RAPGEF2: variants seen among roughly 807,000 people sequenced by gnomAD.
The protein encoded by RAPGEF2 is PDZ domain containing guanine nucleotide exchange factor (GEF) 1.
A neutral mutation model predicts 186.7 loss-of-function variants in RAPGEF2; 54 were observed. The ratio of observed to expected loss-of-function variants is 0.29; its 90% CI spans 0.23 to 0.36. RAPGEF2 has a LOEUF of 0.36. Among genes scored for constraint, RAPGEF2 ranks in the 10% least tolerant of loss-of-function variants. RAPGEF2 has a pLI of 1.00. For missense variants in RAPGEF2, 1,532 were observed against 2,045.0 expected (o/e 0.75, Z 4.84); for synonymous variants, 712 against 705.9 (o/e 1.01, Z -0.14).
chr4:159,271,469 T>C (rs940748675), intron 7 of RAPGEF2, among the ~76,000 whole-genome samples: 1 of 152,224 alleles, frequency 6.6e-6, no homozygotes, highest in African/African-American at 2.4e-5. Context: ...ATGTATTGCA[T>C]AGCAGACACT....
intron 4 of RAPGEF2, among the ~76,000 whole-genome samples, 199 bp downstream of exon 4, chr4:159,210,782 A>G (rs1750443130): frequency 6.6e-6 from 1 of 152,244 alleles, no homozygotes; most frequent in Admixed American, 6.5e-5. Context: ...AACAAAGGGC[A>G]AGAACAGAAA....
intron 1 of RAPGEF2, among the ~76,000 whole-genome samples, chr4:159,183,896 C>T (rs1747280328): frequency 6.6e-6 from 1 of 152,154 alleles, no homozygotes; most frequent in African/African-American, 2.4e-5. Flanking sequence ...CCCCCCTCCT[C>T]TCACCCCATG....
intron 1 of RAPGEF2, among the ~76,000 whole-genome samples, chr4:159,157,043 C>A (rs1214322283): frequency 1.3e-5 from 2 of 152,158 alleles, no homozygotes; most frequent in African/African-American, 4.8e-5. Context: ...ATTTAGGAAC[C>A]ATTTTCTCCC....
intron 7 of RAPGEF2, among the ~76,000 whole-genome samples, chr4:159,297,513 AT>A (rs1245322048): frequency 6.6e-6 from 1 of 152,236 alleles, no homozygotes; most frequent in African/African-American, 2.4e-5. Context: ...AAAGAGAGTA[AT>A]TGAACTATAA....
At chr4:159,257,482 C>A (rs1756321125) in intron 7 of RAPGEF2, among the ~76,000 whole-genome samples, 1 of 152,194 alleles carries the variant, frequency 6.6e-6, no homozygotes, top group African/African-American at 2.4e-5. Flanking sequence ...ATTTAATCGT[C>A]TCCTACCAAG....
At chr4:159,270,185 C>T (rs1283769290) in intron 7 of RAPGEF2, among the ~76,000 whole-genome samples, 2 of 152,174 alleles carry the variant, frequency 1.3e-5, no homozygotes, top group Non-Finnish European at 1.5e-5. Context: ...TGGCAGCTTA[C>T]AACATCAAGG....
At position 159,166,504 on chromosome 4, in the gene RAPGEF2, G is replaced by A. The variant is rs537914226; in HGVS notation, c.70-20138G>A. ...TTTTTACCTCTGCTGTGGGATTTTAGTCTCATTACTTTGTTGATCTACTTT... is the reference window on the plus strand; with the variant it reads ...TTTTTACCTCTGCTGTGGGATTTTAATCTCATTACTTTGTTGATCTACTTT... On this transcript the variant is annotated intron_variant, in intron 1 of 29. Coordinates refer to ENST00000691494, the MANE Select transcript of RAPGEF2 (RefSeq NM_001394067.2). 7.9e-5 allele frequency among the ~76,000 whole-genome samples: 12 copies of A among 152,262 alleles called. No individual in the cohort carries two copies. In the East Asian group the frequency reaches 1.9e-3, roughly 24 times the overall value.
chr4:159,103,999 C>T lies in RAPGEF2; in HGVS notation c.-164C>T. On this transcript the variant is annotated 5_prime_UTR_variant, in exon 1 of 30. Coordinates refer to ENST00000691494, the MANE Select transcript of RAPGEF2 (RefSeq NM_001394067.2). ...CGCGCTCTCGGCCGCCGGGCCCAGC[C>T]GAGCCGCCCCCCCGCGGGCCCCGCG... The T allele has an allele frequency of 5.9e-6, 1 of 168,336 alleles. No individual in the cohort carries two copies. Among genetic ancestry groups the T allele is most frequent in the Non-Finnish European group, 1.2e-5 (1 of 83,424 alleles). The allele number at this position is 168,336 out of a possible 1,614,324, so 10.4% of individuals were successfully genotyped here. A position where few individuals can be genotyped will look rare whatever the true frequency, so the allele number is the denominator to read the frequency against.
intron 4 of RAPGEF2, among the ~76,000 whole-genome samples, chr4:159,231,364 TACTC>T (rs1412025758): frequency 1.3e-5 from 2 of 152,234 alleles, no homozygotes; most frequent in African/African-American, 4.8e-5. Context: ...TATATATTAT[TACTC>T]ACACATATTA....
chr4:159,129,429 C>T (rs956577785), intron 1 of RAPGEF2, among the ~76,000 whole-genome samples: 13 of 152,108 alleles, frequency 8.5e-5, no homozygotes, highest in African/African-American at 3.1e-4. Context: ...CAGAACAGTT[C>T]AGGAAAGACA....
At chr4:159,113,204 GAAC>G (rs1738682258) in intron 1 of RAPGEF2, among the ~76,000 whole-genome samples, 1 of 152,074 alleles carries the variant, frequency 6.6e-6, no homozygotes, top group African/African-American at 2.4e-5. Context: ...TCCTGGACAA[GAAC>G]AACAACAAAA....
intron 1 of RAPGEF2, among the ~76,000 whole-genome samples, chr4:159,104,553 A>AGAGTGTGT (rs1553991869): frequency 7.4e-5 from 10 of 136,022 alleles, no homozygotes; most frequent in Non-Finnish European, 1.1e-4. Context: ...AGAGAGAGAG[A>AGAGTGTGT]GTGTGTGTGT....
rs911988560 is a variant in RAPGEF2, at chr4:159,160,823, C to T, written c.70-25819C>T. Among the ~76,000 whole-genome samples the T allele has an allele frequency of 3.9e-5, 6 of 151,948 alleles. No individual in the cohort carries two copies. In the East Asian group the frequency reaches 5.8e-4, roughly 15 times the overall value. On this transcript the variant is annotated intron_variant, in intron 1 of 29. Coordinates refer to ENST00000691494, the MANE Select transcript of RAPGEF2 (RefSeq NM_001394067.2). ...CTTCCACAATGAAATTTTTTGAGTA[C>T]GATGTAGGAAATCATCTTAAAGTGG...
In RAPGEF2 at chr4:159,216,441, T is replaced by C. The variant is rs1175029346; in HGVS notation, c.281+5858T>C. ...TCTGAGTTGGGTTTATAGTTTAGAT[T>C]GTTGGAAAGTGGTCAGAAAGAAAAT... On this transcript the variant is annotated intron_variant, in intron 4 of 29. Transcript: ENST00000691494. 2.0e-5 allele frequency among the ~76,000 whole-genome samples: 3 copies of C among 152,196 alleles called. No individual in the cohort carries two copies. The East Asian group carries it at 5.8e-4, about 29-fold the overall frequency.
intron 11 of RAPGEF2, chr4:159,327,703 TA>T (rs1242070694): frequency 1.3e-5 from 2 of 152,100 alleles, no homozygotes; most frequent in Non-Finnish European, 2.9e-5. Context: ...TCATATTAGT[TA>T]AAATTAAATG....
intron 7 of RAPGEF2, among the ~76,000 whole-genome samples, chr4:159,254,556 T>C (rs1257042670): frequency 1.3e-5 from 2 of 151,942 alleles, no homozygotes; most frequent in East Asian, 3.9e-4. Context: ...CGTATGCTAT[T>C]GTGGATGCTG....
At position 159,182,386 on chromosome 4, in the gene RAPGEF2, C is replaced by CTT. The variant is rs575743979; in HGVS notation, c.70-4230_70-4229dup. ...AAGCTTCCTAGTATTTTCTTTTCTT[C>CTT]TTTTTTTTTTTTTTTTTTTTTTTTT... is the stretch of plus-strand genomic sequence containing the variant. On this transcript the variant is annotated intron_variant, in intron 1 of 29. Transcript: ENST00000691494. Among the ~76,000 whole-genome samples, 127 of 85,670 alleles carry CTT rather than the reference C, an allele frequency of 1.5e-3. 4 individuals are homozygous for CTT. The East Asian group carries it at 0.016, about 11-fold the overall frequency. The allele number at this position is 85,670 out of a possible 152,430, so 56.2% of individuals were successfully genotyped here.
chr4:159,154,911 T>C (rs902198521), intron 1 of RAPGEF2, among the ~76,000 whole-genome samples: 2 of 152,204 alleles, frequency 1.3e-5, no homozygotes, highest in Admixed American at 6.5e-5. Context: ...ACCATAGATA[T>C]GATTGTTTGC....
chr4:159,307,729 TG>T (rs1763470832), intron 8 of RAPGEF2, among the ~76,000 whole-genome samples: 1 of 152,176 alleles, frequency 6.6e-6, no homozygotes, highest in African/African-American at 2.4e-5. Context: ...CCCAGCATTT[TG>T]GGGGGCCAAG....
Sources: allele counts gnomAD v4.1 joint callset (sites outside exome capture counted in the v4.1 genomes callset), GRCh38; gene constraint gnomAD v4.1.1; transcripts MANE v1.5; gene names NCBI Gene and HGNC (gene_info 2026-07-23, HGNC 2026-07-21).